Variants in DAPP1 observed in about 807,000 individuals in gnomAD.
DAPP1 encodes dual adaptor of phosphotyrosine and 3-phosphoinositides 1.
In DAPP1, 20 loss-of-function variants were observed where a neutral mutation model predicts 41.5. The ratio of observed to expected loss-of-function variants is 0.48; its 90% CI spans 0.34 to 0.70. The LOEUF is 0.70. DAPP1 is among the 30% of genes least tolerant of loss of function. DAPP1 has a pLI of 0.01. For missense variants in DAPP1, 233 were observed against 333.4 expected, an observed-to-expected ratio of 0.70 and a Z score of 2.35; for synonymous variants, 113 against 116.2, an observed-to-expected ratio of 0.97 and a Z score of 0.18.
At chr4:99,830,558 C>T (rs1405178731) in intron 1 of DAPP1, among the ~76,000 whole-genome samples, 1 of 152,194 alleles carries the variant, frequency 6.6e-6, no homozygotes, top group East Asian at 1.9e-4. Context: ...CCTCCACCTT[C>T]ATCTCTCACC....
At chr4:99,820,686 A>G (rs1722745384) in intron 1 of DAPP1, among the ~76,000 whole-genome samples, 2 of 152,150 alleles carry the variant, frequency 1.3e-5, no homozygotes, top group Admixed American at 6.5e-5. Flanking sequence ...TTTTTTTTAT[A>G]AAGGGCCGGG....
intron 4 of DAPP1, among the ~76,000 whole-genome samples, chr4:99,855,280 A>G (rs1312708724): frequency 2.6e-5 from 4 of 152,210 alleles, no homozygotes; most frequent in East Asian, 1.9e-4. Flanking sequence ...TTAACTTCAC[A>G]TTCTCCTCTG....
intron 6 of DAPP1, 50 bp from the exon 7 acceptor site, chr4:99,863,716 CTGTT>C: frequency 3.5e-6 from 3 of 867,670 alleles, no homozygotes; most frequent in Non-Finnish European, 5.1e-6. Context: ...ACAGATTTGT[CTGTT>C]TTTTTTTTTT....
intron 4 of DAPP1, among the ~76,000 whole-genome samples, chr4:99,855,339 T>G (rs1221961331): frequency 2.0e-5 from 3 of 152,254 alleles, no homozygotes; most frequent in African/African-American, 7.2e-5. Flanking sequence ...AACCATGTCC[T>G]ATTAAGCGTG....
intron 3 of DAPP1, among the ~76,000 whole-genome samples, chr4:99,845,057 A>C (rs1355135032): frequency 6.6e-6 from 1 of 152,208 alleles, no homozygotes; most frequent in Non-Finnish European, 1.5e-5. Flanking sequence ...AATTAAGCCA[A>C]CATTTTTAGA....
At chr4:99,867,286 TTC>T (rs963281318) in intron 8 of DAPP1, among the ~76,000 whole-genome samples, 13 of 152,242 alleles carry the variant, frequency 8.5e-5, no homozygotes, top group Non-Finnish European at 1.6e-4. Flanking sequence ...TAATTTCTTA[TTC>T]TTTCTATTTT....
At chr4:99,845,587 CTCT>C (rs1435325655) in intron 3 of DAPP1, among the ~76,000 whole-genome samples, 1 of 152,226 alleles carries the variant, frequency 6.6e-6, no homozygotes, top group Non-Finnish European at 1.5e-5. Context: ...ATCCCTCAGT[CTCT>C]TCTTTATCTC....
At chr4:99,840,096 A>C (rs1234071755) in intron 2 of DAPP1, among the ~76,000 whole-genome samples, 193 bp from the exon 3 acceptor site, 1 of 152,192 alleles carries the variant, frequency 6.6e-6, no homozygotes, top group Non-Finnish European at 1.5e-5. Context: ...TAATTAATTA[A>C]TAAAAGTTGA....
chr4:99,861,737 T>A, intron 5 of DAPP1, 112 bp downstream of exon 5: 1 of 1,255,170 alleles, frequency 8.0e-7, no homozygotes, highest in Non-Finnish European at 1.1e-6. Flanking sequence ...CTGCTCATTT[T>A]AACCCATTTG....
intron 7 of DAPP1, chr4:99,864,062 T>C (rs565230262): frequency 2.3e-6 from 1 of 437,958 alleles, no homozygotes; most frequent in East Asian, 4.2e-5. Flanking sequence ...TCAGCTTATG[T>C]TGCGTACTGG....
Position 99,837,155 on chromosome 4 carries a change from G to A in DAPP1, c.224+1410G>A, listed in dbSNP as rs187473409. Among the ~76,000 whole-genome samples, 62 of 152,338 alleles carry A rather than the reference G, an allele frequency of 4.1e-4. 3 individuals carry two copies. In the East Asian group the frequency reaches 0.012, roughly 29 times the overall value. On this transcript the variant is annotated intron_variant, in intron 2 of 8. Transcript: ENST00000512369. ...GCCAGAGAAAACTCTGTTTTACAGG[G>A]CTCATGTGATTAGTTCAGGCCCACT...
intron 4 of DAPP1, among the ~76,000 whole-genome samples, chr4:99,858,997 C>G (rs1262429652): frequency 6.6e-6 from 1 of 152,000 alleles, no homozygotes; most frequent in Non-Finnish European, 1.5e-5. Flanking sequence ...CTCCTGGGTT[C>G]AGGTGACTCT....
At position 99,825,036 on chromosome 4, in the gene DAPP1, C is replaced by A. The variant is rs573055978; in HGVS notation, c.101+8022C>A. ...TATGTTGGTCCATCTCTGAGTCAGG[C>A]TCTGTGGATTTTTCTTTATCTTTAA... On this transcript the variant is annotated intron_variant, in intron 1 of 8. Transcript: ENST00000512369. 2.2e-3 allele frequency among the ~76,000 whole-genome samples: 334 copies of A among 152,264 alleles called. 5 individuals are homozygous for A. The South Asian group carries it at 0.023, about 11-fold the overall frequency.
chr4:99,841,378 G>A (rs185287559), intron 3 of DAPP1, among the ~76,000 whole-genome samples: 39 of 152,214 alleles, frequency 2.6e-4, no homozygotes, highest in Admixed American at 6.5e-4. Context: ...AGTGCACAGC[G>A]GAAACTAGAA....
chr4:99,817,546 A>G (rs530028137), intron 1 of DAPP1, among the ~76,000 whole-genome samples: 1 of 152,284 alleles, frequency 6.6e-6, no homozygotes, highest in South Asian at 2.1e-4. Context: ...GTGAGATTTG[A>G]TATCGTATGT....
At chr4:99,834,811 A>G (rs1723238970) in intron 1 of DAPP1, among the ~76,000 whole-genome samples, 1 of 152,178 alleles carries the variant, frequency 6.6e-6, no homozygotes, top group African/African-American at 2.4e-5. Context: ...CTGAAGGCTC[A>G]AAGTCGGAAA....
chr4:99,866,687 A>G (rs1450334926), intron 8 of DAPP1: 1 of 728,700 alleles, frequency 1.4e-6, no homozygotes. Flanking sequence ...GTGAGTTCTT[A>G]GCCAAGAACT....
At chr4:99,841,926 C>T (rs1237043948) in intron 3 of DAPP1, among the ~76,000 whole-genome samples, 1 of 152,172 alleles carries the variant, frequency 6.6e-6, no homozygotes, top group African/African-American at 2.4e-5. Context: ...TTAAATTCTT[C>T]TCCTAGACTC....
intron 1 of DAPP1, among the ~76,000 whole-genome samples, chr4:99,827,702 C>A (rs142065500): frequency 3.4e-4 from 52 of 152,222 alleles, no homozygotes; most frequent in African/African-American, 1.2e-3. Flanking sequence ...TATGTGTGCC[C>A]AGCAGCCAGA....
Sources: gnomAD v4.1 joint callset for allele counts (sites outside exome capture counted in the v4.1 genomes callset) on GRCh38, gnomAD v4.1.1 for gene constraint, MANE v1.5 for transcripts, NCBI Gene and HGNC (gene_info 2026-07-23, HGNC 2026-07-21) for gene names.